The following ARSB variants were observed in gnomAD, a reference collection of about 807,000 sequenced individuals.
ARSB encodes arylsulfatase B.
Under a neutral mutation model 50.9 loss-of-function variants are expected in ARSB, and 41 were observed. That is an observed-to-expected ratio of 0.81 (90% CI 0.63 to 1.04). The LOEUF (loss-of-function observed/expected upper bound fraction) is 1.04, where lower values mean the gene tolerates loss of function less well. Among genes scored for constraint, ARSB ranks in the 50% least tolerant of loss-of-function variants. The pLI is 0.00. For synonymous variants in ARSB, 269 were observed against 284.8 expected (o/e 0.94, Z 0.56); for missense variants, 672 against 693.3 (o/e 0.97, Z 0.35).
chr5:78,940,824 G>C (rs536462216), intron 4 of ARSB, among the ~76,000 whole-genome samples: 2 of 152,300 alleles, frequency 1.3e-5, no homozygotes, highest in African/African-American at 4.8e-5. Flanking sequence ...TGTGAAGAAA[G>C]TCATTGGTAG....
chr5:78,947,032 G>C (rs934913514), intron 4 of ARSB, among the ~76,000 whole-genome samples: 1 of 152,130 alleles, frequency 6.6e-6, no homozygotes, highest in Non-Finnish European at 1.5e-5. Context: ...CTGGAGAAAG[G>C]ATAGTCTCTT....
intron 6 of ARSB, among the ~76,000 whole-genome samples, chr5:78,809,503 C>G (rs68074593): frequency 0.084 from 12,823 of 152,302 alleles, 557 homozygotes; most frequent in East Asian, 0.1. Context: ...GAACAACAGG[C>G]AGACAGATGA....
At chr5:78,866,668 G>A (rs1205272087) in intron 5 of ARSB, among the ~76,000 whole-genome samples, 1 of 152,202 alleles carries the variant, frequency 6.6e-6, no homozygotes, top group Non-Finnish European at 1.5e-5. Flanking sequence ...CAGCTGAGAT[G>A]CTGAGAGAGG....
chr5:78,896,006 G>A (rs74493503), intron 4 of ARSB, among the ~76,000 whole-genome samples: 2,501 of 152,190 alleles, frequency 0.016, 69 homozygotes, highest in South Asian at 0.097. Context: ...TGGAGGAGCC[G>A]GGGGGCAGAT....
At chr5:78,966,235 T>C (rs1180149573) in intron 2 of ARSB, among the ~76,000 whole-genome samples, 2 of 152,240 alleles carry the variant, frequency 1.3e-5, no homozygotes, top group Non-Finnish European at 2.9e-5. Context: ...ACTATTCACA[T>C]ACTTGGCAAA....
Position 78,816,003 on chromosome 5 carries a change from C to T in ARSB, c.1213+23353G>A, listed in dbSNP as rs558545436. The T allele has an allele frequency of 2.0e-4, 313 of 1,557,640 alleles. 18 individuals carry two copies. In the African/African-American group the frequency reaches 3.8e-3, roughly 19 times the overall value. On this transcript the variant is annotated intron_variant, in intron 6 of 7. Coordinates refer to ENST00000264914, the MANE Select transcript of ARSB (RefSeq NM_000046.5). Reference sequence around the variant, plus strand: ...CACTTCTGCAGGAGCCACCCGAGGCCTTGAGGGGCCCTTTCAGAACCTTGG... The same window carrying T: ...CACTTCTGCAGGAGCCACCCGAGGCTTTGAGGGGCCCTTTCAGAACCTTGG...
chr5:78,817,172 T>C, intron 6 of ARSB: 1 of 931,500 alleles, frequency 1.1e-6, no homozygotes, highest in Non-Finnish European at 1.3e-6. Context: ...AGGCACAAAA[T>C]AACAACAGCT....
At chr5:78,850,557 G>A (rs1281806130) in intron 5 of ARSB, among the ~76,000 whole-genome samples, 2 of 152,202 alleles carry the variant, frequency 1.3e-5, no homozygotes, top group East Asian at 3.9e-4. Flanking sequence ...TTGGTATCAG[G>A]ATGATGCTGG....
chr5:78,874,645 T>C (rs1388068765), intron 5 of ARSB, among the ~76,000 whole-genome samples: 1 of 151,912 alleles, frequency 6.6e-6, no homozygotes, highest in African/African-American at 2.4e-5. Context: ...AAACTAAGAA[T>C]AGAAATAAAA....
chr5:78,800,954 T>C (rs1743372969), intron 6 of ARSB, among the ~76,000 whole-genome samples: 1 of 152,066 alleles, frequency 6.6e-6, no homozygotes, highest in Admixed American at 6.6e-5. Flanking sequence ...TGTGGAAGAG[T>C]ACAAGGTGAG....
intron 1 of ARSB, among the ~76,000 whole-genome samples, chr5:78,984,705 G>C (rs541865408): frequency 6.6e-6 from 1 of 152,060 alleles, no homozygotes; most frequent in Non-Finnish European, 1.5e-5. Flanking sequence ...CGCCCAACCC[G>C]GCGGCCGGGG....
chr5:78,783,991 T>C (rs1394076023), intron 6 of ARSB, among the ~76,000 whole-genome samples: 2 of 151,776 alleles, frequency 1.3e-5, no homozygotes, highest in Middle Eastern at 3.4e-3. Flanking sequence ...CATTTTACCA[T>C]GTTTGCCTTT....
intron 3 of ARSB, among the ~76,000 whole-genome samples, chr5:78,963,303 C>T (rs1320971945): frequency 1.3e-5 from 2 of 152,214 alleles, no homozygotes; most frequent in Admixed American, 6.5e-5. Context: ...GTAGAGTCTG[C>T]AGCACCACGA....
chr5:78,866,145 AAGAC>A (rs573496549), intron 5 of ARSB, among the ~76,000 whole-genome samples: 15 of 152,190 alleles, frequency 9.9e-5, no homozygotes, highest in Non-Finnish European at 2.2e-4. Flanking sequence ...GCTGCTGATA[AAGAC>A]ATACCCAAGA....
chr5:78,804,949 G>C (rs1464688662), intron 6 of ARSB, among the ~76,000 whole-genome samples: 1 of 152,244 alleles, frequency 6.6e-6, no homozygotes, highest in Admixed American at 6.5e-5. Flanking sequence ...TGCTCAGAAA[G>C]AGTCACATGT....
chr5:78,884,615 G>T (rs573360229), intron 5 of ARSB: 23 of 152,056 alleles, frequency 1.5e-4, no homozygotes, highest in African/African-American at 5.1e-4. Context: ...CCAAACAGAG[G>T]TTGAAAACCA....
intron 4 of ARSB, among the ~76,000 whole-genome samples, chr5:78,907,270 G>GT (rs1749107257): frequency 6.6e-6 from 1 of 152,184 alleles, no homozygotes; most frequent in African/African-American, 2.4e-5. Context: ...TTATTACACA[G>GT]TGAGTTTGTT....
intron 6 of ARSB, among the ~76,000 whole-genome samples, chr5:78,809,601 G>A (rs1444199460): frequency 1.3e-5 from 2 of 152,276 alleles, no homozygotes; most frequent in East Asian, 3.9e-4. Context: ...AGCTGAAGCT[G>A]GGAGACCCAT....
chr5:78,967,808 T>G (rs895618292), intron 2 of ARSB, among the ~76,000 whole-genome samples: 1 of 152,252 alleles, frequency 6.6e-6, no homozygotes, highest in African/African-American at 2.4e-5. Flanking sequence ...TTAATCCTGT[T>G]TAAACTTTCT....
Sources: gnomAD v4.1 joint callset for allele counts (sites outside exome capture counted in the v4.1 genomes callset) on GRCh38, gnomAD v4.1.1 for gene constraint, MANE v1.5 for transcripts, NCBI Gene and HGNC (gene_info 2026-07-23, HGNC 2026-07-21) for gene names.